Variants in SULT1B1 observed in about 807,000 individuals in gnomAD.
The protein encoded by SULT1B1 is sulfotransferase 1B1.
In SULT1B1, 28 loss-of-function variants were observed where a neutral mutation model predicts 34.6. The ratio of observed to expected loss-of-function variants is 0.81; its 90% confidence interval spans 0.60 to 1.11. SULT1B1 has a LOEUF of 1.11. Ranked by LOEUF, SULT1B1 falls within the 50% of genes least tolerant of loss-of-function variation. The pLI is 0.00. For synonymous variants in SULT1B1, 147 were observed against 110.2 expected, an observed-to-expected ratio of 1.33 and a Z score of -2.09; for missense variants, 374 against 352.2, an observed-to-expected ratio of 1.06 and a Z score of -0.50.
At position 69,742,192 on chromosome 4, in the gene SULT1B1, G is replaced by A. The variant is rs183525866; in HGVS notation, c.375+7529C>T. ...ACACCTATTAATTTGCATGTATTGA[G>A]CTAACTTTGCATTCTGGGAATAAAG... is the stretch of plus-strand genomic sequence containing the variant. On this transcript the variant is annotated intron_variant, in intron 4 of 7. Transcript: ENST00000310613. 1.6e-3 allele frequency among the ~76,000 whole-genome samples: 242 copies of A among 152,242 alleles called. 2 individuals carry two copies. The highest frequency in any genetic ancestry group is 5.7e-3 in the African/African-American group (238 of 41,560).
rs941401077 is a variant in SULT1B1 at position 69,755,197 on chromosome 4, A to G, written c.21T>C (p.Ile7=). ...GGACCAACTTCAGATCTTTTCGCAG[A>G]ATATCTTTTGGGGAAAGCATTTTAA... is the stretch of plus-strand genomic sequence containing the variant. MLSPKD[I]LRKDLKLVHG... Residue 7 remains isoleucine (I), a synonymous_variant, in exon 2 of 8, where the codon ATT becomes ATC. Transcript: ENST00000310613. The G allele has an allele frequency of 8.7e-6, 14 of 1,613,760 alleles. No homozygotes were observed. The highest frequency in any genetic ancestry group is 1.2e-5 in the Non-Finnish European group (14 of 1,179,660).
At position 69,726,734 on chromosome 4, in the gene SULT1B1, A is replaced by C. The variant is rs1437673637; in HGVS notation, c.*354T>G. 6.3e-6 allele frequency: 1 copy of C among 157,648 alleles called. No homozygotes were observed. Among genetic ancestry groups the C allele is most frequent in the East Asian group, 1.8e-4 (1 of 5,472 alleles). 9.8% of individuals were successfully genotyped at this position (157,648 alleles called of 1,614,324 possible). On this transcript the variant is annotated 3_prime_UTR_variant, in exon 8 of 8. Transcript: ENST00000310613. Reference sequence around the variant, plus strand: ...TTATGAAAACAGCATTTCTTGGACCATGGTACTAGGGAGGGGAACTTAATT... The same window carrying C: ...TTATGAAAACAGCATTTCTTGGACCCTGGTACTAGGGAGGGGAACTTAATT...
rs1718212733 is a variant in SULT1B1, at chr4:69,734,280, G to GGGGGTGA, written c.376-17_376-16insTCACCCC. On this transcript the variant is annotated splice_polypyrimidine_tract_variant and intron_variant, in intron 4 of 7. Coordinates refer to ENST00000310613, the MANE Select transcript of SULT1B1 (RefSeq NM_014465.4). ...GATAAATCATCTGCAGTGGGGGGTG[G>GGGGGTGA]GGGTAGGAGAAAAAAATAAGATAAA... The GGGGGTGA allele has an allele frequency of 2.5e-6, 4 of 1,601,520 alleles. No homozygotes were observed. In the Admixed American group the frequency reaches 5.2e-5, roughly 21 times the overall value.
chr4:69,747,640 C>G (rs1718802432), intron 4 of SULT1B1, among the ~76,000 whole-genome samples: 1 of 152,190 alleles, frequency 6.6e-6, no homozygotes, highest in African/African-American at 2.4e-5. Flanking sequence ...ATTCCTGCAC[C>G]AAACCCTCTG....
At chr4:69,754,605 T>C (rs1005647997) in intron 3 of SULT1B1, 65 bp downstream of exon 3, 3 of 1,502,552 alleles carry the variant, frequency 2.0e-6, no homozygotes, top group Admixed American at 1.9e-5. Context: ...AAGTCACACA[T>C]ACAATAATGC....
chr4:69,754,169 T>C (rs535467528), intron 3 of SULT1B1, among the ~76,000 whole-genome samples: 1 of 152,350 alleles, frequency 6.6e-6, no homozygotes, highest in South Asian at 2.1e-4. Flanking sequence ...TATTTACTTT[T>C]TGACGTCACA....
At position 69,721,987 on chromosome 4, in the gene SULT1B1, T is replaced by C. The variant is rs1474464700; in HGVS notation, c.*5101A>G. The C allele has an allele frequency of 1.3e-5, 2 of 152,096 alleles. No individual in the cohort carries two copies. The highest frequency in any genetic ancestry group is 2.9e-5 in the Non-Finnish European group (2 of 67,988). The allele number at this position is 152,096 out of a possible 1,614,324, so 9.4% of individuals were successfully genotyped here. On this transcript the variant is annotated 3_prime_UTR_variant, in exon 8 of 8. Transcript: ENST00000310613. ...AGCATTGTTTTAGAAAAATTAATTT[T>C]GCAGTATTCTGATTGATTTCAAAGG...
intron 4 of SULT1B1, among the ~76,000 whole-genome samples, chr4:69,736,251 C>T (rs1718304486): frequency 6.6e-6 from 1 of 152,140 alleles, no homozygotes; most frequent in Non-Finnish European, 1.5e-5. Flanking sequence ...TGCTCTGCAC[C>T]TGTAAATAAA....
Position 69,730,658 on chromosome 4 carries a change from C to T in SULT1B1, c.621G>A (p.Lys207=), listed in dbSNP as rs547586881. 103 of 1,612,314 alleles carry T rather than the reference C, an allele frequency of 6.4e-5. No individual in the cohort carries two copies. In the South Asian group the frequency reaches 9.8e-4, roughly 15 times the overall value. The change falls in exon 7 of 8, where the codon AAG becomes AAA. Residue 207 remains lysine (K), a synonymous_variant. Coordinates refer to ENST00000310613, the MANE Select transcript of SULT1B1 (RefSeq NM_014465.4). ...MKENPKEEIK[K]IIRFLEKNLN... is the part of the protein sequence containing the mutation. The stretch of plus-strand genomic sequence containing the variant: ...GGTTCTTCTCTAGAAATCTAATGAT[C>T]TTCTTGATTTCCTCCTTTGGATTCT...
Position 69,755,259 on chromosome 4 carries a change from G to A in SULT1B1, c.-42C>T, listed in dbSNP as rs748164216. On this transcript the variant is annotated splice_region_variant and 5_prime_UTR_variant, in exon 2 of 8. Coordinates refer to ENST00000310613, the MANE Select transcript of SULT1B1 (RefSeq NM_014465.4). ...ACAAATATATAATAGATTGACAGTT[G>A]TTCTGGAGAAATATAGAGAATAAAA... 6.3e-7 allele frequency: 1 copy of A among 1,589,808 alleles called. No individual in the cohort carries two copies. The highest frequency in any genetic ancestry group is 8.6e-7 in the Non-Finnish European group (1 of 1,160,208).
rs551450908 is a variant in SULT1B1 at position 69,721,889 on chromosome 4, G to T, written c.*5199C>A. 3.3e-5 allele frequency: 5 copies of T among 152,174 alleles called. No homozygotes were observed. The South Asian group carries it at 1.0e-3, about 31-fold the overall frequency. 9.4% of individuals were successfully genotyped at this position (152,174 alleles called of 1,614,324 possible). ...ATCATGGTTCTGTTAGAGAAAGATT[G>T]TAATATGAGATTATTTTAAGTGTTT... On this transcript the variant is annotated 3_prime_UTR_variant, in exon 8 of 8. Transcript: ENST00000310613.
Position 69,754,680 on chromosome 4 carries a change from T to G in SULT1B1, c.267A>C (p.Leu89Phe), listed in dbSNP as rs570118846. 7 of 1,612,704 alleles carry G rather than the reference T, an allele frequency of 4.3e-6. No individual in the cohort carries two copies. The highest frequency in any genetic ancestry group is 5.9e-6 in the Non-Finnish European group (7 of 1,179,298). Residue 89 changes from leucine (L) to phenylalanine (F), a missense_variant, in exon 3 of 8, where the codon TTA (leucine) becomes TTC (phenylalanine). Coordinates refer to ENST00000310613, the MANE Select transcript of SULT1B1 (RefSeq NM_014465.4). ...GTGGGTTAAATTTACCTGATGTTCT[T>G]AATCCAGGGAGAGTCATTTCCAACA... ...VPMLEMTLPG[L>F]RTSGIEQLEK...
Position 69,755,096 on chromosome 4 carries a change from A to G in SULT1B1, c.122T>C (p.Ile41Thr), listed in dbSNP as rs1719137250. Residue 41 changes from isoleucine to threonine, a missense_variant, in exon 2 of 8, where the codon ATT (isoleucine) becomes ACT (threonine). By Grantham distance (89) the Ile-to-Thr change is moderately conservative. Coordinates refer to ENST00000310613, the MANE Select transcript of SULT1B1 (RefSeq NM_014465.4). The stretch of plus-strand genomic sequence containing the variant: ...TGATTTAGGATAAGTGGCTATCACA[A>G]TGTCATCTGGTCTGCTATGGAACTG... Reference protein sequence around the residue: ...IEQFHSRPDDIVIATYPKSGT... With the variant: ...IEQFHSRPDDTVIATYPKSGT... 6.2e-7 allele frequency: 1 copy of G among 1,613,680 alleles called. No homozygotes were observed. Among genetic ancestry groups the G allele is most frequent in the South Asian group, 1.1e-5 (1 of 91,054 alleles).
chr4:69,753,748 G>A (rs944167426), intron 3 of SULT1B1, among the ~76,000 whole-genome samples: 1 of 152,150 alleles, frequency 6.6e-6, no homozygotes, highest in Non-Finnish European at 1.5e-5. Context: ...TTGGCTTAAA[G>A]GTTTCTCTAT....
chr4:69,730,523 G>T lies in SULT1B1; in HGVS notation c.756C>A (p.Ser252Arg). The T allele has an allele frequency of 6.2e-7, 1 of 1,608,048 alleles. No homozygotes were observed. The highest frequency in any genetic ancestry group is 1.1e-5 in the South Asian group (1 of 90,844). ...THLPTTVMDH[S>R]KSPFMRKGTA... is the part of the protein sequence containing the mutation. Reference sequence around the variant, plus strand: ...TACCTTTACGCATAAAAGGGGATTTGCTATGATCCATCACTGTAGTTGGTA... The same window carrying T: ...TACCTTTACGCATAAAAGGGGATTTTCTATGATCCATCACTGTAGTTGGTA... Residue 252 changes from serine to arginine, a missense_variant, in exon 7 of 8, where the codon AGC (serine) becomes AGA (arginine). Ser to Arg is a moderately radical substitution (Grantham distance 110). Coordinates refer to ENST00000310613, the MANE Select transcript of SULT1B1 (RefSeq NM_014465.4).
intron 3 of SULT1B1, among the ~76,000 whole-genome samples, chr4:69,752,138 T>G (rs1719006664): frequency 6.6e-6 from 1 of 152,218 alleles, no homozygotes; most frequent in South Asian, 2.1e-4. Flanking sequence ...GATTAACAAC[T>G]TTGTGAGAGT....
At chr4:69,751,157 TG>T (rs1718965410) in intron 3 of SULT1B1, among the ~76,000 whole-genome samples, 1 of 152,244 alleles carries the variant, frequency 6.6e-6, no homozygotes, top group African/African-American at 2.4e-5. Context: ...ATGCCTCTAC[TG>T]ATCTAGCAGC....
rs1234709620 is a variant in SULT1B1, at chr4:69,722,249, A to G, written c.*4839T>C. 1.3e-5 allele frequency: 2 copies of G among 152,242 alleles called. No homozygotes were observed. Among genetic ancestry groups the G allele is most frequent in the East Asian group, 1.9e-4 (1 of 5,178 alleles). The allele number at this position is 152,242 out of a possible 1,614,324, so 9.4% of individuals were successfully genotyped here. The stretch of plus-strand genomic sequence containing the variant: ...TTCGTTGAATACAGTCCAATTACAG[A>G]GAGTTATTTCTACAAAGTAAAACTA... On this transcript the variant is annotated 3_prime_UTR_variant, in exon 8 of 8. Transcript: ENST00000310613.
intron 7 of SULT1B1, among the ~76,000 whole-genome samples, chr4:69,730,016 G>A (rs1451520980): frequency 6.6e-6 from 1 of 151,954 alleles, no homozygotes; most frequent in African/African-American, 2.4e-5. Context: ...ATTTGCAGAG[G>A]GCTAAAACTT....
Sources: allele counts gnomAD v4.1 joint callset (sites outside exome capture counted in the v4.1 genomes callset), GRCh38; gene constraint gnomAD v4.1.1; transcripts MANE v1.5; gene names NCBI Gene and HGNC (gene_info 2026-07-23, HGNC 2026-07-21).